The following RUNX2 variants were observed in gnomAD, a reference collection of about 807,000 sequenced individuals.
The protein encoded by RUNX2 is runt-related transcription factor 2.
RUNX2 carries 10 observed loss-of-function variants against 51.7 expected under a neutral mutation model. That is an observed-to-expected ratio of 0.19 (90% CI 0.12 to 0.33). The LOEUF is 0.33. RUNX2 is among the 10% of genes least tolerant of loss of function. RUNX2 has a pLI of 1.00. For missense variants in RUNX2, 562 were observed against 691.3 expected (o/e 0.81, Z 2.10); for synonymous variants, 276 against 273.6 (o/e 1.01, Z -0.09).
chr6:45,512,652 G>C, intron 7 of RUNX2, among the ~76,000 whole-genome samples: 1 of 152,176 alleles, frequency 6.6e-6, no homozygotes, highest in East Asian at 1.9e-4. Flanking sequence ...ATGCCGCCCA[G>C]TTAGTGTCCT....
intron 5 of RUNX2, among the ~76,000 whole-genome samples, chr6:45,475,505 T>C (rs979958785): frequency 1.7e-4 from 26 of 152,322 alleles, no homozygotes; most frequent in Non-Finnish European, 3.1e-4. Flanking sequence ...TCACATGCCT[T>C]AGTGCTTTAG....
chr6:45,328,618 C>A, intron 1 of RUNX2, 43 bp from the exon 2 acceptor site: 1 of 1,608,266 alleles, frequency 6.2e-7, no homozygotes, highest in Non-Finnish European at 8.5e-7. Context: ...TCCAGGCATA[C>A]TGTAAAACTA....
chr6:45,363,807 A>G (rs1378736047), intron 2 of RUNX2, among the ~76,000 whole-genome samples: 1 of 152,008 alleles, frequency 6.6e-6, no homozygotes, highest in African/African-American at 2.4e-5. Flanking sequence ...GGTGTAATCA[A>G]TTTTTGGCTT....
At chr6:45,400,594 G>A (rs1439063646) in intron 2 of RUNX2, among the ~76,000 whole-genome samples, 1 of 152,174 alleles carries the variant, frequency 6.6e-6, no homozygotes, top group Non-Finnish European at 1.5e-5. Flanking sequence ...TTACAGTCTT[G>A]TGATCACCTC....
chr6:45,358,689 T>C (rs1161851258), intron 2 of RUNX2, among the ~76,000 whole-genome samples: 3 of 152,300 alleles, frequency 2.0e-5, no homozygotes, highest in Admixed American at 1.3e-4. Context: ...CACAGTCTCT[T>C]ATCTGAAATA....
chr6:45,347,256 G>GT (rs1313337981), intron 2 of RUNX2, among the ~76,000 whole-genome samples: 3 of 152,028 alleles, frequency 2.0e-5, no homozygotes, highest in Admixed American at 6.6e-5. Flanking sequence ...AAACTACAGT[G>GT]AATAATTAAA....
intron 2 of RUNX2, among the ~76,000 whole-genome samples, chr6:45,367,881 A>AC (rs1427231861): frequency 7.9e-5 from 12 of 152,288 alleles, no homozygotes; most frequent in African/African-American, 2.2e-4. Context: ...ATTTTTCTTG[A>AC]CATGATGAGC....
At chr6:45,349,899 C>G (rs1791666309) in intron 2 of RUNX2, among the ~76,000 whole-genome samples, 1 of 152,068 alleles carries the variant, frequency 6.6e-6, no homozygotes, top group Non-Finnish European at 1.5e-5. Flanking sequence ...ATAAAAAGAT[C>G]TTTGCTTCAG....
chr6:45,362,155 A>G (rs1794374326), intron 2 of RUNX2, among the ~76,000 whole-genome samples: 1 of 152,218 alleles, frequency 6.6e-6, no homozygotes. Context: ...TCAAGGCTCT[A>G]ATACTAGGAC....
chr6:45,436,445 A>G (rs1275712152), intron 4 of RUNX2, among the ~76,000 whole-genome samples: 1 of 152,168 alleles, frequency 6.6e-6, no homozygotes, highest in African/African-American at 2.4e-5. Context: ...TGAGAGATCT[A>G]AGCGGGGAGG....
chr6:45,455,747 A>G (rs896752716), intron 5 of RUNX2, among the ~76,000 whole-genome samples: 1 of 152,224 alleles, frequency 6.6e-6, no homozygotes, highest in Non-Finnish European at 1.5e-5. Context: ...CTTTAAGTTC[A>G]TTGGGCTTTG....
rs540686323 is a variant in RUNX2 at position 45,506,435 on chromosome 6, G to A, written c.860-5811G>A. 8.1e-4 allele frequency among the ~76,000 whole-genome samples: 123 copies of A among 152,234 alleles called. 1 individual carries two copies. The East Asian group carries it at 8.7e-3, about 11-fold the overall frequency. ...AGAGTGGAGTCATCTTTAGTGATAC[G>A]TAGTGCCTCAGATTTCCCAAGCACT... On this transcript the variant is annotated intron_variant, in intron 6 of 8. Transcript: ENST00000647337.
chr6:45,385,415 G>A (rs1431110763), intron 2 of RUNX2, among the ~76,000 whole-genome samples: 1 of 152,186 alleles, frequency 6.6e-6, no homozygotes, highest in African/African-American at 2.4e-5. Flanking sequence ...TCATGGATGA[G>A]CTGCCATCTG....
chr6:45,494,810 A>G lies in RUNX2; in HGVS notation c.859+2696A>G, dbSNP rs544951381. Among the ~76,000 whole-genome samples, 19 of 152,300 alleles carry G rather than the reference A, an allele frequency of 1.2e-4. No homozygotes were observed. The South Asian group carries it at 3.3e-3, about 27-fold the overall frequency. On this transcript the variant is annotated intron_variant, in intron 6 of 8. Transcript: ENST00000647337. ...CTGGATTGACTTCTTTGTTTATTCA[A>G]TAAGTATGATTTGGGGCCTATCACA...
chr6:45,460,057 G>C (rs931488377), intron 5 of RUNX2, among the ~76,000 whole-genome samples: 1 of 152,190 alleles, frequency 6.6e-6, no homozygotes, highest in Non-Finnish European at 1.5e-5. Context: ...ATGGTGCGTG[G>C]AAGGCACAGA....
intron 5 of RUNX2, among the ~76,000 whole-genome samples, chr6:45,490,000 G>T (rs1228172463): frequency 6.6e-6 from 1 of 152,132 alleles, no homozygotes. Context: ...GAAGAGGAAG[G>T]GAAGAGAAAG....
chr6:45,352,232 C>T (rs935398910), intron 2 of RUNX2, among the ~76,000 whole-genome samples: 1 of 152,094 alleles, frequency 6.6e-6, no homozygotes, highest in Non-Finnish European at 1.5e-5. Flanking sequence ...TGATCGTCTA[C>T]CTGACAATTT....
intron 2 of RUNX2, among the ~76,000 whole-genome samples, chr6:45,340,320 T>G (rs1465145315): frequency 1.3e-5 from 2 of 152,040 alleles, no homozygotes; most frequent in African/African-American, 4.8e-5. Flanking sequence ...AAGGTGAGGT[T>G]TGTTAAGCCC....
chr6:45,458,050 A>C, intron 5 of RUNX2, among the ~76,000 whole-genome samples: 2 of 135,952 alleles, frequency 1.5e-5, no homozygotes, highest in South Asian at 2.2e-4. Context: ...ACAGAGTTTC[A>C]CTCTTGTTGC....
Sources: allele counts gnomAD v4.1 joint callset (sites outside exome capture counted in the v4.1 genomes callset), GRCh38; gene constraint gnomAD v4.1.1; transcripts MANE v1.5; gene names NCBI Gene and HGNC (gene_info 2026-07-23, HGNC 2026-07-21).